RNF220: variants seen among roughly 807,000 people sequenced by gnomAD.
RNF220 encodes ring finger protein 220.
Under a neutral mutation model 67.1 loss-of-function variants are expected in RNF220, and 7 were observed. The observed-to-expected ratio is 0.10, with a 90% CI of 0.06 to 0.20. The LOEUF is 0.20. RNF220 is among the 10% of genes least tolerant of loss of function. RNF220 has a pLI of 1.00. For missense variants in RNF220, 565 were observed against 740.3 expected (o/e 0.76, Z 2.75); for synonymous variants, 270 against 283.2 (o/e 0.95, Z 0.47).
chr1:44,460,975 G>T (rs993751603), intron 2 of RNF220, among the ~76,000 whole-genome samples: 1 of 152,150 alleles, frequency 6.6e-6, no homozygotes, highest in African/African-American at 2.4e-5. Flanking sequence ...TAATTAGTTT[G>T]GTTTGGGTGT....
intron 2 of RNF220, among the ~76,000 whole-genome samples, chr1:44,450,506 C>G (rs1198388625): frequency 6.6e-6 from 1 of 152,146 alleles, no homozygotes; most frequent in East Asian, 1.9e-4. Context: ...TCTATTTATA[C>G]ATGTATACAT....
At chr1:44,501,070 G>A (rs533856811) in intron 2 of RNF220, among the ~76,000 whole-genome samples, 2 of 149,204 alleles carry the variant, frequency 1.3e-5, no homozygotes, top group Admixed American at 6.7e-5. Context: ...GGGGGTGGGG[G>A]TATCGGGAGA....
intron 1 of RNF220, among the ~76,000 whole-genome samples, chr1:44,407,335 G>T (rs1001782787): frequency 6.6e-6 from 1 of 152,198 alleles, no homozygotes; most frequent in Non-Finnish European, 1.5e-5. Context: ...GAGGGGACTG[G>T]GGGGAGCAGA....
Position 44,600,533 on chromosome 1 carries a change from A to G in RNF220, c.626-13632A>G, listed in dbSNP as rs1013366590. Among the ~76,000 whole-genome samples, 3 of 152,176 alleles carry G rather than the reference A, an allele frequency of 2.0e-5. No homozygotes were observed. Among genetic ancestry groups the G allele is most frequent in the African/African-American group, 7.2e-5 (3 of 41,430 alleles). On this transcript the variant is annotated intron_variant, in intron 2 of 14. Coordinates refer to ENST00000361799, the MANE Select transcript of RNF220 (RefSeq NM_018150.4). The surrounding 1 kb of genome is among the most constrained non-coding windows in gnomAD (Gnocchi z 4.0). ...TTATAAAATAGGGATTAAATAGTAC[A>G]GTGCTGGCCGGGCACAGTGGCTCAC...
intron 2 of RNF220, among the ~76,000 whole-genome samples, chr1:44,452,983 T>C (rs1279969473): frequency 2.0e-5 from 3 of 152,230 alleles, no homozygotes; most frequent in African/African-American, 2.4e-5. Context: ...CCTTATTTAT[T>C]TTTGTCTTCT....
At chr1:44,448,977 C>T (rs182245534) in intron 2 of RNF220, among the ~76,000 whole-genome samples, 3 of 152,332 alleles carry the variant, frequency 2.0e-5, no homozygotes, top group East Asian at 1.9e-4. Flanking sequence ...CTCTCCAAGA[C>T]GCTGCAGACT....
At chr1:44,485,736 C>T (rs970486025) in intron 2 of RNF220, among the ~76,000 whole-genome samples, 4 of 152,088 alleles carry the variant, frequency 2.6e-5, no homozygotes, top group South Asian at 2.1e-4. Context: ...AGGTCTGCAC[C>T]GTTTGCTTGT....
chr1:44,603,651 T>C (rs1192181835), intron 2 of RNF220, among the ~76,000 whole-genome samples: 1 of 152,104 alleles, frequency 6.6e-6, no homozygotes, highest in Non-Finnish European at 1.5e-5. Context: ...ATGCAAGGGC[T>C]CCCCTCAGCC....
At chr1:44,611,324 G>A (rs142438444) in intron 2 of RNF220, among the ~76,000 whole-genome samples, 5 of 152,374 alleles carry the variant, frequency 3.3e-5, no homozygotes, top group Non-Finnish European at 5.9e-5. Flanking sequence ...TGGCAGCAAA[G>A]CAGATGAACT....
chr1:44,626,539 G>A (rs1395813554), intron 5 of RNF220, 141 bp downstream of exon 5: 1 of 645,392 alleles, frequency 1.5e-6, no homozygotes, highest in Non-Finnish European at 2.7e-6. Context: ...TGTGTCCCGT[G>A]CCCCTAAGTG....
At chr1:44,592,221 C>T (rs370181960) in intron 2 of RNF220, among the ~76,000 whole-genome samples, 12 of 152,334 alleles carry the variant, frequency 7.9e-5, no homozygotes, top group East Asian at 1.9e-4. Context: ...AATTCCTTCC[C>T]GCAGCACCAC....
chr1:44,644,988 A>G lies in RNF220; in HGVS notation c.1224-7A>G, dbSNP rs1430332023. ...CTAGGATCCATTGTCCTTGACCACC[A>G]TGCCAGATACACAGAGGCTGATGTC... On this transcript the variant is annotated splice_region_variant and splice_polypyrimidine_tract_variant and intron_variant, in intron 9 of 14. Transcript: ENST00000361799. 2 of 1,613,862 alleles carry G rather than the reference A, an allele frequency of 1.2e-6. No individual in the cohort carries two copies. Among genetic ancestry groups the G allele is most frequent in the South Asian group, 1.1e-5 (1 of 91,066 alleles).
rs1184173965 is a variant in RNF220 at position 44,645,305 on chromosome 1, G to C, written c.1366+29G>C. 1 of 1,613,768 alleles carries C rather than the reference G, an allele frequency of 6.2e-7. No individual in the cohort carries two copies. The highest frequency in any genetic ancestry group is 8.5e-7 in the Non-Finnish European group (1 of 1,179,702). The stretch of plus-strand genomic sequence containing the variant: ...AGTCCTGCCCCAGGTTAGGAGTAAT[G>C]GGGGAGAGGGGGTATCCCTAGATGG... On this transcript the variant is annotated intron_variant, in intron 11 of 14. Transcript: ENST00000361799. The surrounding 1 kb of genome is among the most constrained non-coding windows in gnomAD (Gnocchi z 5.0).
Position 44,649,830 on chromosome 1 carries a change from G to A in RNF220, c.1555-53G>A. ...GGCTTCCACGCCCTCTGGGGGAGTTGGAGAGGGTGGGCCTACCTCAGAGTG... is the reference window on the plus strand; with the variant it reads ...GGCTTCCACGCCCTCTGGGGGAGTTAGAGAGGGTGGGCCTACCTCAGAGTG... On this transcript the variant is annotated intron_variant, in intron 13 of 14. Transcript: ENST00000361799. The surrounding 1 kb of genome is among the most constrained non-coding windows in gnomAD (Gnocchi z 5.9). The A allele has an allele frequency of 6.2e-7, 1 of 1,613,328 alleles. No individual in the cohort carries two copies. Among genetic ancestry groups the A allele is most frequent in the South Asian group, 1.1e-5 (1 of 91,084 alleles).
intron 2 of RNF220, among the ~76,000 whole-genome samples, chr1:44,434,860 A>C (rs552990147): frequency 6.6e-6 from 1 of 152,014 alleles, no homozygotes; most frequent in Admixed American, 6.6e-5. Context: ...ATTTCTAAAA[A>C]AAAAAAAAAA....
chr1:44,597,135 C>T (rs146229297), intron 2 of RNF220, among the ~76,000 whole-genome samples: 144 of 152,228 alleles, frequency 9.5e-4, no homozygotes, highest in African/African-American at 2.9e-3. Flanking sequence ...TGTGCTCTTT[C>T]GAGACATTTT....
rs151110648 is a variant in RNF220 at position 44,538,681 on chromosome 1, C to T, written c.626-75484C>T. On this transcript the variant is annotated intron_variant, in intron 2 of 14. Coordinates refer to ENST00000361799, the MANE Select transcript of RNF220 (RefSeq NM_018150.4). ...CTGTAATCCCAGCTCTTTGGGAGGC[C>T]GACACAGGTGGATCACCTGAGGTCA... Among the ~76,000 whole-genome samples the T allele has an allele frequency of 1.8e-4, 27 of 152,204 alleles. 1 individual carries two copies. The East Asian group carries it at 4.6e-3, about 26-fold the overall frequency.
At chr1:44,423,113 A>G (rs1484324164) in intron 2 of RNF220, among the ~76,000 whole-genome samples, 1 of 152,234 alleles carries the variant, frequency 6.6e-6, no homozygotes, top group East Asian at 1.9e-4. Flanking sequence ...GGGGAAATAT[A>G]ACATGCCATG....
chr1:44,482,624 T>C (rs1485296897), intron 2 of RNF220, among the ~76,000 whole-genome samples: 1 of 151,744 alleles, frequency 6.6e-6, no homozygotes, highest in Non-Finnish European at 1.5e-5. Flanking sequence ...GGTAATTCAG[T>C]AAATTTTTTT....
Sources: allele counts gnomAD v4.1 joint callset (sites outside exome capture counted in the v4.1 genomes callset), GRCh38; gene constraint gnomAD v4.1.1; non-coding constraint Gnocchi (gnomAD v3.1); transcripts MANE v1.5; gene names NCBI Gene and HGNC (gene_info 2026-07-23, HGNC 2026-07-21).